Variants in PHKB observed in about 807,000 individuals in gnomAD.
PHKB encodes phosphorylase b kinase regulatory subunit beta.
Under a neutral mutation model 152.1 loss-of-function variants are expected in PHKB, and 122 were observed. That is an observed-to-expected ratio of 0.80 (90% CI 0.69 to 0.93). The LOEUF is 0.93. Among genes scored for constraint, PHKB ranks in the 40% least tolerant of loss-of-function variants. The pLI, the probability that PHKB is intolerant of heterozygous loss-of-function variation, is 0.00. For missense variants in PHKB, 1,304 were observed against 1,328.4 expected (o/e 0.98, Z 0.29); for synonymous variants, 436 against 464.9 (o/e 0.94, Z 0.80).
At chr16:47,641,557 G>T in intron 15 of PHKB, 42 bp from the exon 16 acceptor site, 1 of 970,240 alleles carries the variant, frequency 1.0e-6, no homozygotes, top group Non-Finnish European at 1.7e-6. Context: ...AACTGTAAAT[G>T]CATTGTCTTA....
chr16:47,625,316 G>A (rs1052106695), intron 14 of PHKB, among the ~76,000 whole-genome samples: 4 of 152,240 alleles, frequency 2.6e-5, no homozygotes, highest in Non-Finnish European at 5.9e-5. Context: ...TATTGTTGTA[G>A]AAATGTAGAT....
intron 14 of PHKB, among the ~76,000 whole-genome samples, chr16:47,628,733 G>C (rs959824103): frequency 5.3e-5 from 8 of 151,932 alleles, no homozygotes; most frequent in African/African-American, 1.9e-4. Context: ...TAAGCCAAAA[G>C]AACAAAGCTG....
intron 10 of PHKB, 141 bp downstream of exon 10, chr16:47,589,243 G>A (rs1366158715): frequency 3.2e-6 from 2 of 620,164 alleles, no homozygotes; most frequent in East Asian, 2.8e-5. Context: ...CTCTGTCTGT[G>A]TTTAATTTTT....
intron 1 of PHKB, among the ~76,000 whole-genome samples, chr16:47,485,703 T>C (rs1970037430): frequency 1.3e-5 from 2 of 152,182 alleles, no homozygotes; most frequent in Admixed American, 1.3e-4. Context: ...CACTGCAACC[T>C]CTGCCTCCTG....
chr16:47,508,952 T>A (rs558037197), intron 4 of PHKB, among the ~76,000 whole-genome samples: 1 of 152,318 alleles, frequency 6.6e-6, no homozygotes, highest in Admixed American at 6.5e-5. Context: ...TTTGAGCAAC[T>A]TTAATCATTT....
Position 47,698,608 on chromosome 16 carries a change from T to C in PHKB, c.3144+20T>C. 1 of 1,508,208 alleles carries C rather than the reference T, an allele frequency of 6.6e-7. No homozygotes were observed. Among genetic ancestry groups the C allele is most frequent in the East Asian group, 2.3e-5 (1 of 43,250 alleles). 93.4% of individuals were successfully genotyped at this position (1,508,208 alleles called of 1,614,324 possible). ...AAACAAGTAAGTACACAGCTTTTTT[T>C]TTTTTTTTTTTTTTGAGAATTTTTT... On this transcript the variant is annotated intron_variant, in intron 30 of 30. Transcript: ENST00000323584.
At position 47,525,320 on chromosome 16, in the gene PHKB, G is replaced by A. The variant is rs1164001213; in HGVS notation, c.594+9719G>A. 2.6e-5 allele frequency among the ~76,000 whole-genome samples: 4 copies of A among 152,114 alleles called. No individual in the cohort carries two copies. The East Asian group carries it at 7.7e-4, about 29-fold the overall frequency. ...CACAAATGATCACTATTTTAGGAAAGGGGTGGCTTTTTCTTCAATAAGGCA... is the reference window on the plus strand; with the variant it reads ...CACAAATGATCACTATTTTAGGAAAAGGGTGGCTTTTTCTTCAATAAGGCA... On this transcript the variant is annotated intron_variant, in intron 6 of 30. Transcript: ENST00000323584.
chr16:47,592,580 T>G (rs1466603053), intron 10 of PHKB, among the ~76,000 whole-genome samples: 1 of 152,230 alleles, frequency 6.6e-6, no homozygotes, highest in East Asian at 1.9e-4. Context: ...AAACATTCCC[T>G]GATTCCAAGG....
chr16:47,529,729 A>T (rs1317161431), intron 6 of PHKB: 1 of 152,178 alleles, frequency 6.6e-6, no homozygotes, highest in Non-Finnish European at 1.5e-5. Context: ...TTGGTCACAC[A>T]ACCATTCCTG....
At chr16:47,512,837 A>G (rs946622016) in intron 5 of PHKB, among the ~76,000 whole-genome samples, 2 of 152,164 alleles carry the variant, frequency 1.3e-5, no homozygotes, top group African/African-American at 4.8e-5. Flanking sequence ...TTCCTTACTA[A>G]ATAAAGAGTA....
intron 7 of PHKB, among the ~76,000 whole-genome samples, chr16:47,570,612 G>A (rs1349390418): frequency 2.6e-5 from 4 of 151,242 alleles, no homozygotes; most frequent in African/African-American, 9.7e-5. Context: ...CCCTAAATGA[G>A]TCCTTCATTT....
chr16:47,650,461 G>T (rs1157429796), intron 18 of PHKB, 83 bp from the exon 19 acceptor site: 2 of 817,906 alleles, frequency 2.4e-6, no homozygotes, highest in Non-Finnish European at 4.3e-6. Flanking sequence ...TAAGAATTTT[G>T]TTGGCTCTTT....
intron 1 of PHKB, among the ~76,000 whole-genome samples, chr16:47,495,643 TC>T (rs1423905858): frequency 6.6e-6 from 1 of 152,198 alleles, no homozygotes; most frequent in Non-Finnish European, 1.5e-5. Flanking sequence ...GTGTATAGAC[TC>T]CTAGAGCTTA....
rs1969626246 is a variant in PHKB at position 47,464,148 on chromosome 16, GT to G, written c.76+2723del. On this transcript the variant is annotated intron_variant, in intron 1 of 30. Coordinates refer to ENST00000323584, the MANE Select transcript of PHKB (RefSeq NM_000293.3). The stretch of plus-strand genomic sequence containing the variant: ...CTGGTGTTTTGTTTAACTTTGCATT[GT>G]GTTTTGAATGTGGCCTATTGTGTTC... 4 of 669,094 alleles carry G rather than the reference GT, an allele frequency of 6.0e-6. No homozygotes were observed. In the South Asian group the frequency reaches 6.5e-5, roughly 11 times the overall value. 41.4% of individuals were successfully genotyped at this position (669,094 alleles called of 1,614,324 possible).
Position 47,589,996 on chromosome 16 carries a change from T to C in PHKB, c.1068+894T>C, listed in dbSNP as rs914201661. 2.6e-5 allele frequency among the ~76,000 whole-genome samples: 4 copies of C among 152,168 alleles called. No individual in the cohort carries two copies. The South Asian group carries it at 8.3e-4, about 31-fold the overall frequency. Reference sequence around the variant, plus strand: ...TAGTAGAGATGGGGTTTCACCATGTTGGCCAGGCTGGTCTTCAACTCCTGA... The same window carrying C: ...TAGTAGAGATGGGGTTTCACCATGTCGGCCAGGCTGGTCTTCAACTCCTGA... On this transcript the variant is annotated intron_variant, in intron 10 of 30. Transcript: ENST00000323584.
chr16:47,610,159 A>ATTTTTTTTTTTTT (rs371224839), intron 13 of PHKB, among the ~76,000 whole-genome samples: 264 of 99,354 alleles, frequency 2.7e-3, no homozygotes, highest in Non-Finnish European at 2.9e-3. Context: ...TGCCCAGCTA[A>ATTTTTTTTTTTTT]TTTTTTTTTT....
chr16:47,594,033 T>C (rs1476772907), intron 11 of PHKB, 104 bp from the exon 12 acceptor site: 1 of 657,160 alleles, frequency 1.5e-6, no homozygotes, highest in Non-Finnish European at 2.7e-6. Context: ...GCATAGAAAA[T>C]TACCAAAATA....
intron 4 of PHKB, among the ~76,000 whole-genome samples, chr16:47,506,285 A>G (rs968304038): frequency 6.6e-6 from 1 of 152,140 alleles, no homozygotes; most frequent in African/African-American, 2.4e-5. Context: ...AAAATCATTA[A>G]TATTCTGCTA....
intron 29 of PHKB, among the ~76,000 whole-genome samples, chr16:47,696,779 A>G (rs749838198): frequency 3.3e-5 from 5 of 152,204 alleles, no homozygotes; most frequent in Non-Finnish European, 7.3e-5. Context: ...ATCACCCCTT[A>G]GCATCAAGTG....
Sources: allele counts gnomAD v4.1 joint callset (sites outside exome capture counted in the v4.1 genomes callset), GRCh38; gene constraint gnomAD v4.1.1; transcripts MANE v1.5; gene names NCBI Gene and HGNC (gene_info 2026-07-23, HGNC 2026-07-21).